ARL15: variants seen among roughly 807,000 people sequenced by gnomAD.
ARL15 encodes the protein ARF like GTPase 15, also known as ADP-ribosylation factor-like protein 15.
In ARL15, 19 loss-of-function variants were observed where a neutral mutation model predicts 25.2. That is an observed-to-expected ratio of 0.75 (90% CI 0.53 to 1.10). The LOEUF (loss-of-function observed/expected upper bound fraction) is 1.10, where lower values mean the gene tolerates loss of function less well. Ranked by LOEUF, ARL15 falls within the 50% of genes least tolerant of loss-of-function variation. ARL15 has a pLI of 0.00. For missense variants in ARL15, 220 were observed against 246.0 expected (o/e 0.89, Z 0.71); for synonymous variants, 94 against 86.8 (o/e 1.08, Z -0.46).
At chr5:54,185,522 C>T (rs969269086) in intron 1 of ARL15, among the ~76,000 whole-genome samples, 1 of 152,172 alleles carries the variant, frequency 6.6e-6, no homozygotes, top group Non-Finnish European at 1.5e-5. Flanking sequence ...AACTTTGGAA[C>T]ATGAGTGTCT....
intron 4 of ARL15, among the ~76,000 whole-genome samples, chr5:54,025,296 A>AC (rs1215817444): frequency 1.3e-5 from 2 of 149,538 alleles, no homozygotes; most frequent in South Asian, 2.1e-4. Flanking sequence ...CCAAAAAAAA[A>AC]AAAAAAAAAA....
intron 4 of ARL15, among the ~76,000 whole-genome samples, chr5:54,040,224 G>C (rs1176448241): frequency 6.6e-6 from 1 of 152,180 alleles, no homozygotes; most frequent in African/African-American, 2.4e-5. Context: ...GCATTATGCA[G>C]ATATTAATAA....
chr5:53,894,959 T>C (rs1295255556), intron 4 of ARL15, among the ~76,000 whole-genome samples: 1 of 152,204 alleles, frequency 6.6e-6, no homozygotes, highest in African/African-American at 2.4e-5. Flanking sequence ...AATAAAATTT[T>C]ATTAGAACTC....
intron 2 of ARL15, among the ~76,000 whole-genome samples, chr5:54,162,980 A>C (rs1278139148): frequency 6.6e-6 from 1 of 152,106 alleles, no homozygotes; most frequent in Non-Finnish European, 1.5e-5. Flanking sequence ...CTTATTCCTG[A>C]TCTGATCAGG....
intron 4 of ARL15, among the ~76,000 whole-genome samples, chr5:54,084,603 A>C (rs1419314718): frequency 6.6e-6 from 1 of 152,098 alleles, no homozygotes; most frequent in Non-Finnish European, 1.5e-5. Context: ...CCCCAGATGC[A>C]CAAAGTTGTG....
chr5:53,922,261 T>C lies in ARL15; in HGVS notation c.463-35548A>G, dbSNP rs79361950. Reference sequence around the variant, plus strand: ...TCCGTTTAGTTCAATTAACATTCACTGTTCCCTTGCCTGTGTTTAGTAACG... The same window carrying C: ...TCCGTTTAGTTCAATTAACATTCACCGTTCCCTTGCCTGTGTTTAGTAACG... On this transcript the variant is annotated intron_variant, in intron 4 of 4. Coordinates refer to ENST00000504924, the MANE Select transcript of ARL15 (RefSeq NM_019087.3). Among the ~76,000 whole-genome samples the C allele has an allele frequency of 1.1e-3, 165 of 152,342 alleles. 4 individuals carry two copies. The East Asian group carries it at 0.031, about 28-fold the overall frequency.
rs1468669506 is a variant in ARL15 at position 54,276,657 on chromosome 5, A to AAAGGAACTTTGCAGATATGATT, written c.48+33753_48+33774dup. Among the ~76,000 whole-genome samples the AAAGGAACTTTGCAGATATGATT allele has an allele frequency of 5.1e-4, 77 of 152,210 alleles. 1 individual carries two copies. Among genetic ancestry groups the AAAGGAACTTTGCAGATATGATT allele is most frequent in the Non-Finnish European group, 9.1e-4 (62 of 68,036 alleles). On this transcript the variant is annotated intron_variant, in intron 1 of 4. Transcript: ENST00000504924. ...TGTGAATATGTTATCTTACATGGCA[A>AAAGGAACTTTGCAGATATGATT]AAGGAACTTTGCAGATATGATTAAG...
intron 4 of ARL15, among the ~76,000 whole-genome samples, chr5:53,932,729 T>G (rs771607672): frequency 6.6e-6 from 1 of 152,110 alleles, no homozygotes; most frequent in Non-Finnish European, 1.5e-5. Flanking sequence ...ACAGTGTCAG[T>G]GTGAAGTTAA....
intron 1 of ARL15, among the ~76,000 whole-genome samples, chr5:54,198,153 A>G (rs62372174): frequency 0.018 from 2,745 of 152,290 alleles, 38 homozygotes; most frequent in Non-Finnish European, 0.025. Flanking sequence ...TCTCAAAATA[A>G]TATCAGCTAT....
chr5:54,183,877 T>A (rs1755139445), intron 1 of ARL15, among the ~76,000 whole-genome samples: 1 of 150,504 alleles, frequency 6.6e-6, no homozygotes, highest in African/African-American at 2.4e-5. Context: ...TAGACTGGAT[T>A]AAGAAAATAT....
intron 1 of ARL15, among the ~76,000 whole-genome samples, chr5:54,217,225 G>A (rs414182): frequency 6.8e-6 from 1 of 147,390 alleles, no homozygotes. Context: ...TAAAAAGGGA[G>A]AAAACACTAC....
intron 4 of ARL15, among the ~76,000 whole-genome samples, chr5:53,961,901 C>G (rs564464920): frequency 6.6e-6 from 1 of 152,186 alleles, no homozygotes; most frequent in African/African-American, 2.4e-5. Context: ...GAAGGTCTTT[C>G]GATAGCAGCA....
At chr5:53,925,647 T>C (rs901473619) in intron 4 of ARL15, among the ~76,000 whole-genome samples, 6 of 152,088 alleles carry the variant, frequency 3.9e-5, no homozygotes, top group African/African-American at 1.4e-4. Flanking sequence ...GTATTATATA[T>C]ATGTTATTTT....
chr5:54,068,634 G>C (rs1485574391), intron 4 of ARL15, among the ~76,000 whole-genome samples: 1 of 152,132 alleles, frequency 6.6e-6, no homozygotes, highest in Non-Finnish European at 1.5e-5. Flanking sequence ...TTGTCAGACT[G>C]GAGAATTAGC....
intron 4 of ARL15, among the ~76,000 whole-genome samples, chr5:54,026,629 T>G (rs769693923): frequency 6.6e-5 from 10 of 152,164 alleles, no homozygotes; most frequent in Admixed American, 3.9e-4. Context: ...GAAATTTTCT[T>G]GAGATTGTAA....
chr5:54,290,354 G>C (rs1168968093), intron 1 of ARL15, among the ~76,000 whole-genome samples: 1 of 150,458 alleles, frequency 6.6e-6, no homozygotes, highest in South Asian at 2.1e-4. Flanking sequence ...TGAGGCTGGA[G>C]GGCAGTGGCA....
rs2112600343 is a variant in ARL15, at chr5:54,251,731, G to A, written c.48+58701C>T. 2.0e-5 allele frequency among the ~76,000 whole-genome samples: 3 copies of A among 152,350 alleles called. No individual in the cohort carries two copies. In the South Asian group the frequency reaches 6.2e-4, roughly 32 times the overall value. ...CACACTGTCCTGTTTAAGAACACCT[G>A]TAGTGTAATAAGGTAAGCATGAAGT... On this transcript the variant is annotated intron_variant, in intron 1 of 4. Coordinates refer to ENST00000504924, the MANE Select transcript of ARL15 (RefSeq NM_019087.3).
chr5:54,080,582 C>A (rs557842773), intron 4 of ARL15, among the ~76,000 whole-genome samples: 1 of 152,200 alleles, frequency 6.6e-6, no homozygotes, highest in East Asian at 1.9e-4. Context: ...TTAACTTCAT[C>A]TGAAATAATA....
rs116961818 is a variant in ARL15 at position 53,888,486 on chromosome 5, G to C, written c.463-1773C>G. 7.8e-4 allele frequency among the ~76,000 whole-genome samples: 119 copies of C among 152,168 alleles called. 1 individual carries two copies. The East Asian group carries it at 0.021, about 27-fold the overall frequency. The stretch of plus-strand genomic sequence containing the variant: ...TTCTGTAGAGGTGGGGTCTAACCAT[G>C]TTGCCTAGGGTGGTCTTGAACTCCT... On this transcript the variant is annotated intron_variant, in intron 4 of 4. Coordinates refer to ENST00000504924, the MANE Select transcript of ARL15 (RefSeq NM_019087.3).
Sources: gnomAD v4.1 joint callset for allele counts (sites outside exome capture counted in the v4.1 genomes callset) on GRCh38, gnomAD v4.1.1 for gene constraint, MANE v1.5 for transcripts, NCBI Gene and HGNC (gene_info 2026-07-23, HGNC 2026-07-21) for gene names.